The following SPOPL variants were observed in gnomAD, a reference collection of about 807,000 sequenced individuals.
SPOPL encodes speckle type BTB/POZ protein like.
Under a neutral mutation model 53.8 loss-of-function variants are expected in SPOPL, and 23 were observed. The observed-to-expected ratio is 0.43, with a 90% CI of 0.31 to 0.61. The LOEUF (loss-of-function observed/expected upper bound fraction) is 0.61. Among genes scored for constraint, SPOPL ranks in the 20% least tolerant of loss-of-function variants. The probability of loss-of-function intolerance (pLI) is 0.12; values close to 1 mark genes in which losing one functional copy is unlikely to be tolerated. For synonymous variants in SPOPL, 164 were observed against 149.7 expected, an observed-to-expected ratio of 1.10 and a Z score of -0.70; for missense variants, 442 against 466.9, an observed-to-expected ratio of 0.95 and a Z score of 0.49.
chr2:138,538,867 T>G (rs1684996679), intron 1 of SPOPL, among the ~76,000 whole-genome samples: 1 of 152,166 alleles, frequency 6.6e-6, no homozygotes, highest in South Asian at 2.1e-4. Flanking sequence ...CATTTAACAT[T>G]AGGAATATCT....
At position 138,570,547 on chromosome 2, in the gene SPOPL, G is replaced by A. The variant is rs1047247619; in HGVS notation, c.*1467G>A. ...GGGGTACCACATCTGACTTACTGTG[G>A]TGGTGACCAGTGTGCTTCTTAAGGG... On this transcript the variant is annotated 3_prime_UTR_variant, in exon 11 of 11. Transcript: ENST00000280098. 4 of 152,154 alleles carry A rather than the reference G, an allele frequency of 2.6e-5. No individual in the cohort carries two copies. Among genetic ancestry groups the A allele is most frequent in the Admixed American group, 6.5e-5 (1 of 15,268 alleles). The allele number at this position is 152,154 out of a possible 1,614,324, so 9.4% of individuals were successfully genotyped here.
chr2:138,562,196 A>G (rs923674248), intron 8 of SPOPL, among the ~76,000 whole-genome samples: 12 of 150,706 alleles, frequency 8.0e-5, no homozygotes, highest in Admixed American at 4.0e-4. Flanking sequence ...TGACAAGCTG[A>G]TTTAAAATTT....
chr2:138,509,526 A>AT (rs529900325), intron 1 of SPOPL, among the ~76,000 whole-genome samples: 2 of 152,054 alleles, frequency 1.3e-5, no homozygotes, highest in Admixed American at 1.3e-4. Context: ...AAATTTAACA[A>AT]TTTTTTTCTT....
intron 1 of SPOPL, among the ~76,000 whole-genome samples, chr2:138,508,641 T>G (rs1684264327): frequency 6.6e-6 from 1 of 152,218 alleles, no homozygotes; most frequent in Non-Finnish European, 1.5e-5. Context: ...AAGTGAATTT[T>G]AAAAACACAG....
At position 138,572,317 on chromosome 2, in the gene SPOPL, A is replaced by G. The variant is rs1573917239; in HGVS notation, c.*3237A>G. On this transcript the variant is annotated 3_prime_UTR_variant, in exon 11 of 11. Coordinates refer to ENST00000280098, the MANE Select transcript of SPOPL (RefSeq NM_001001664.3). ...TTAACAAAGATCTCAAAAAGTTGTC[A>G]TGAACATTATTCATTTATTTTTAAA... 1 of 152,744 alleles carries G rather than the reference A, an allele frequency of 6.5e-6. No homozygotes were observed. Among genetic ancestry groups the G allele is most frequent in the South Asian group, 2.1e-4 (1 of 4,832 alleles). 9.5% of individuals were successfully genotyped at this position (152,744 alleles called of 1,614,324 possible).
intron 1 of SPOPL, among the ~76,000 whole-genome samples, chr2:138,516,373 T>C (rs552462234): frequency 2.0e-5 from 3 of 152,236 alleles, no homozygotes; most frequent in African/African-American, 2.4e-5. Flanking sequence ...ATAAGAGATA[T>C]TGAGGGATTA....
chr2:138,554,582 C>T (rs970573445), intron 5 of SPOPL: 1 of 1,192,626 alleles, frequency 8.4e-7, no homozygotes, highest in Non-Finnish European at 1.1e-6. Flanking sequence ...GTAACTTAAT[C>T]TTGCAAGTTC....
chr2:138,507,241 T>C lies in SPOPL; in HGVS notation c.-61+5122T>C, dbSNP rs76097151. ...ATCTATAATATGAACCATATCTGTC[T>C]TCCTGAGTTCAGACGTGTTTTTAGT... On this transcript the variant is annotated intron_variant, in intron 1 of 10. Coordinates refer to ENST00000280098, the MANE Select transcript of SPOPL (RefSeq NM_001001664.3). Among the ~76,000 whole-genome samples the C allele has an allele frequency of 8.0e-4, 122 of 152,306 alleles. 1 individual carries two copies. The East Asian group carries it at 0.021, about 26-fold the overall frequency.
chr2:138,558,523 A>T (rs918661007), intron 5 of SPOPL, among the ~76,000 whole-genome samples: 9 of 152,168 alleles, frequency 5.9e-5, no homozygotes, highest in Admixed American at 2.6e-4. Flanking sequence ...ATAACACTTT[A>T]AAAACTTCTC....
At chr2:138,528,170 C>T (rs553572800) in intron 1 of SPOPL, among the ~76,000 whole-genome samples, 4 of 152,254 alleles carry the variant, frequency 2.6e-5, no homozygotes, top group East Asian at 3.9e-4. Flanking sequence ...TGGGCTTTGG[C>T]GTGATGGTAA....
intron 1 of SPOPL, among the ~76,000 whole-genome samples, chr2:138,532,541 A>C (rs180732915): frequency 0.011 from 1,560 of 141,886 alleles, 27 homozygotes; most frequent in African/African-American, 0.039. Context: ...ATTCTCCTGC[A>C]TCAGCCTCCC....
Position 138,543,336 on chromosome 2 carries a change from A to G in SPOPL, c.-60-6821A>G, listed in dbSNP as rs190401748. 4.5e-3 allele frequency among the ~76,000 whole-genome samples: 685 copies of G among 152,272 alleles called. 19 individuals carry two copies. Among genetic ancestry groups the G allele is most frequent in the Admixed American group, 0.041 (626 of 15,298 alleles). On this transcript the variant is annotated intron_variant, in intron 1 of 10. Transcript: ENST00000280098. ...ATAATATCCTGCAGAGTGTTTTCCC[A>G]CTTGGTTCCATTCTCCCCATCACTT...
intron 5 of SPOPL, among the ~76,000 whole-genome samples, chr2:138,557,014 G>A (rs1254992160): frequency 6.6e-6 from 1 of 152,096 alleles, no homozygotes; most frequent in Non-Finnish European, 1.5e-5. Context: ...AGATTAGCTA[G>A]GAGTGGTGGC....
At chr2:138,555,722 A>G (rs1403068903) in intron 5 of SPOPL, among the ~76,000 whole-genome samples, 1 of 152,140 alleles carries the variant, frequency 6.6e-6, no homozygotes, top group Admixed American at 6.5e-5. Flanking sequence ...AAGAGACCCA[A>G]ATTTTTCAGG....
chr2:138,528,230 C>G (rs1401715028), intron 1 of SPOPL, among the ~76,000 whole-genome samples: 1 of 152,216 alleles, frequency 6.6e-6, no homozygotes, highest in African/African-American at 2.4e-5. Flanking sequence ...GCTGTCTCAT[C>G]TAGCCTAAAT....
intron 1 of SPOPL, among the ~76,000 whole-genome samples, chr2:138,538,408 T>G (rs1038823882): frequency 2.0e-5 from 3 of 152,224 alleles, no homozygotes; most frequent in African/African-American, 7.2e-5. Flanking sequence ...ATGTTTGTAC[T>G]TGTCATACCT....
At chr2:138,529,527 T>TGTGC (rs2104871970) in intron 1 of SPOPL, among the ~76,000 whole-genome samples, 1 of 148,462 alleles carries the variant, frequency 6.7e-6, no homozygotes, top group East Asian at 2.0e-4. Flanking sequence ...TGTGTGTGTG[T>TGTGC]GTGTGTGTTT....
At chr2:138,544,422 C>T (rs1481622090) in intron 1 of SPOPL, among the ~76,000 whole-genome samples, 1 of 152,226 alleles carries the variant, frequency 6.6e-6, no homozygotes, top group Non-Finnish European at 1.5e-5. Flanking sequence ...CTACTCAAGC[C>T]TGGGTAGCAG....
At chr2:138,557,587 G>T (rs959719528) in intron 5 of SPOPL, among the ~76,000 whole-genome samples, 9 of 152,150 alleles carry the variant, frequency 5.9e-5, no homozygotes, top group African/African-American at 2.2e-4. Flanking sequence ...GTATATATGT[G>T]TGTCCTTATT....
Sources: allele counts gnomAD v4.1 joint callset (sites outside exome capture counted in the v4.1 genomes callset), GRCh38; gene constraint gnomAD v4.1.1; transcripts MANE v1.5; gene names NCBI Gene and HGNC (gene_info 2026-07-23, HGNC 2026-07-21).